Variants in MIR2052HG observed in about 807,000 individuals in gnomAD.
MIR2052HG encodes the protein MIR2052 host gene.
At chr8:74,667,608 A>C (rs1472262840) in intron 2 of MIR2052HG, among the ~76,000 whole-genome samples, 2 of 152,108 alleles carry the variant, frequency 1.3e-5, no homozygotes, top group Non-Finnish European at 2.9e-5. Flanking sequence ...CATGGATGGA[A>C]TCCTCCTTGT....
intron 4 of MIR2052HG, among the ~76,000 whole-genome samples, chr8:74,725,808 T>A (rs1252867188): frequency 1.3e-5 from 2 of 152,186 alleles, no homozygotes. Flanking sequence ...GTAGTCTAAT[T>A]TATCAGGAAT....
At chr8:74,701,413 G>C (rs1011974596) in intron 2 of MIR2052HG, among the ~76,000 whole-genome samples, 2 of 151,992 alleles carry the variant, frequency 1.3e-5, no homozygotes, top group African/African-American at 2.4e-5. Context: ...TTCATTGTGC[G>C]GGGGTTGGAA....
chr8:74,615,746 T>C (rs1808271756), intron 2 of MIR2052HG, among the ~76,000 whole-genome samples: 1 of 152,106 alleles, frequency 6.6e-6, no homozygotes, highest in African/African-American at 2.4e-5. Flanking sequence ...TATCCCCTAA[T>C]ACTATCCTTC....
At chr8:74,720,735 C>T (rs198859) in intron 4 of MIR2052HG, among the ~76,000 whole-genome samples, 29,647 of 151,708 alleles carry the variant, frequency 0.2, 3,157 homozygotes, top group Middle Eastern at 0.3. Context: ...ATTTGGGGGG[C>T]GGTGTGTGTG....
intron 4 of MIR2052HG, among the ~76,000 whole-genome samples, chr8:74,705,910 A>G (rs540305781): frequency 4.2e-4 from 64 of 152,216 alleles, no homozygotes; most frequent in African/African-American, 1.3e-3. Flanking sequence ...AAAAAATATC[A>G]TATGCTGTTT....
intron 2 of MIR2052HG, among the ~76,000 whole-genome samples, chr8:74,699,195 C>A (rs772278703): frequency 6.6e-6 from 1 of 152,008 alleles, no homozygotes; most frequent in African/African-American, 2.4e-5. Context: ...TGGAAAACAG[C>A]ATGGAGATTC....
chr8:74,747,574 G>A (rs1319505100), intron 4 of MIR2052HG, among the ~76,000 whole-genome samples: 1 of 152,080 alleles, frequency 6.6e-6, no homozygotes, highest in Non-Finnish European at 1.5e-5. Flanking sequence ...TATTCTCTGA[G>A]TAACATATTT....
intron 4 of MIR2052HG, among the ~76,000 whole-genome samples, chr8:74,751,205 C>T (rs756386924): frequency 7.9e-5 from 12 of 152,254 alleles, no homozygotes; most frequent in Non-Finnish European, 1.8e-4. Context: ...TAACAGTCTT[C>T]TTTCAGCTCA....
intron 5 of MIR2052HG, among the ~76,000 whole-genome samples, chr8:74,755,965 G>C (rs1350079347): frequency 6.6e-6 from 1 of 152,122 alleles, no homozygotes; most frequent in Non-Finnish European, 1.5e-5. Context: ...AGGCTCTATA[G>C]GTTAAAGGTA....
intron 4 of MIR2052HG, among the ~76,000 whole-genome samples, chr8:74,713,969 T>C (rs920476762): frequency 3.3e-5 from 5 of 152,002 alleles, no homozygotes; most frequent in Non-Finnish European, 7.4e-5. Context: ...GGAACAGAGT[T>C]AAGAAAAGTT....
chr8:74,669,148 A>T (rs1808963781), intron 2 of MIR2052HG, among the ~76,000 whole-genome samples: 1 of 152,218 alleles, frequency 6.6e-6, no homozygotes, highest in Non-Finnish European at 1.5e-5. Context: ...TATGCTCAGA[A>T]ATGAATCCTT....
intron 4 of MIR2052HG, among the ~76,000 whole-genome samples, chr8:74,719,855 T>TTA (rs2128753980): frequency 7.4e-6 from 1 of 134,344 alleles, no homozygotes; most frequent in South Asian, 2.3e-4. Context: ...TTTTCTTTTT[T>TTA]TTTTTTTTTT....
rs1809384000 is a variant in MIR2052HG at position 74,704,039 on chromosome 8, T to C, written n.371+357T>C. 2.0e-5 allele frequency among the ~76,000 whole-genome samples: 3 copies of C among 151,914 alleles called. No individual in the cohort carries two copies. In the South Asian group the frequency reaches 6.2e-4, roughly 31 times the overall value. On this transcript the variant is annotated intron_variant and non_coding_transcript_variant, in intron 4 of 6. Coordinates refer to ENST00000523442, the Ensembl canonical transcript of MIR2052HG. ...GATATTTGAGTAGGGTGGTAACTCT[T>C]TTGAGGGAAAGGTAAGAATAGGAGG...
intron 4 of MIR2052HG, among the ~76,000 whole-genome samples, chr8:74,723,100 A>G (rs1476526856): frequency 2.6e-5 from 4 of 152,232 alleles, no homozygotes; most frequent in East Asian, 3.8e-4. Flanking sequence ...TAGCCAAACT[A>G]TTTGGGCTCA....
chr8:74,650,983 A>C (rs572649205), intron 2 of MIR2052HG, among the ~76,000 whole-genome samples: 1 of 152,072 alleles, frequency 6.6e-6, no homozygotes, highest in Non-Finnish European at 1.5e-5. Flanking sequence ...TCATAAATCT[A>C]TTTTATTGCA....
intron 2 of MIR2052HG, among the ~76,000 whole-genome samples, chr8:74,652,124 A>G (rs915448478): frequency 2.6e-5 from 4 of 152,194 alleles, no homozygotes; most frequent in Admixed American, 1.3e-4. Flanking sequence ...CCTCAGTGTC[A>G]TCTCTGATTA....
At chr8:74,719,877 CT>C (rs1809558216) in intron 4 of MIR2052HG, among the ~76,000 whole-genome samples, 1 of 102,156 alleles carries the variant, frequency 9.8e-6, no homozygotes, top group Non-Finnish European at 1.8e-5. Context: ...GAGAGGGAGT[CT>C]TGCTCTGTCG....
chr8:74,623,486 A>G (rs1213976441), intron 2 of MIR2052HG, among the ~76,000 whole-genome samples: 3 of 152,232 alleles, frequency 2.0e-5, no homozygotes, highest in Non-Finnish European at 4.4e-5. Context: ...AGGAACGTCA[A>G]CTGTTCAGAA....
At chr8:74,683,189 C>T (rs1311215507) in intron 2 of MIR2052HG, among the ~76,000 whole-genome samples, 2 of 152,044 alleles carry the variant, frequency 1.3e-5, no homozygotes, top group African/African-American at 4.8e-5. Flanking sequence ...ATGTTATATA[C>T]ATATTTTATG....
Sources: gnomAD v4.1 joint callset for allele counts (sites outside exome capture counted in the v4.1 genomes callset) on GRCh38, gnomAD v4.1.1 for gene constraint, MANE v1.5 for transcripts, NCBI Gene and HGNC (gene_info 2026-07-23, HGNC 2026-07-21) for gene names.